GATAD2B: variants seen among roughly 807,000 people sequenced by gnomAD.
GATAD2B encodes the protein GATA zinc finger domain containing 2B, also known as transcriptional repressor p66-beta.
In GATAD2B, 8 loss-of-function variants were observed where a neutral mutation model predicts 64.3. The observed-to-expected ratio is 0.12, with a 90% CI of 0.07 to 0.22. GATAD2B has a LOEUF of 0.22. Ranked by LOEUF, GATAD2B falls within the 10% of genes least tolerant of loss-of-function variation. GATAD2B has a pLI of 1.00. For missense variants in GATAD2B, 453 were observed against 752.0 expected (o/e 0.60, Z 4.65); for synonymous variants, 281 against 271.3 (o/e 1.04, Z -0.35).
chr1:153,862,104 A>T (rs998815880), intron 1 of GATAD2B, among the ~76,000 whole-genome samples: 6 of 146,796 alleles, frequency 4.1e-5, no homozygotes, highest in African/African-American at 1.0e-4. Flanking sequence ...AACGTATTTT[A>T]CATACATTAT....
chr1:153,810,168 G>A lies in GATAD2B; in HGVS notation c.*9C>T. 6.2e-7 allele frequency: 1 copy of A among 1,606,868 alleles called. No individual in the cohort carries two copies. Among genetic ancestry groups the A allele is most frequent in the Admixed American group, 1.7e-5 (1 of 58,540 alleles). On this transcript the variant is annotated 3_prime_UTR_variant, in exon 11 of 11. Coordinates refer to ENST00000368655, the MANE Select transcript of GATAD2B (RefSeq NM_020699.4). ...ATTCAAGGATGGGGCAGTACAAGTG[G>A]AACAGGCGTTATTTCTGTCCACTGA... is the stretch of plus-strand genomic sequence containing the variant.
intron 1 of GATAD2B, among the ~76,000 whole-genome samples, chr1:153,831,285 T>G (rs1011698619): frequency 8.6e-5 from 13 of 151,964 alleles, no homozygotes; most frequent in Non-Finnish European, 1.9e-4. Flanking sequence ...AGTTGAACAA[T>G]GAGAACACAT....
intron 7 of GATAD2B, among the ~76,000 whole-genome samples, chr1:153,815,297 A>AC (rs1553187871): frequency 3.4e-5 from 5 of 148,582 alleles, no homozygotes; most frequent in Non-Finnish European, 7.5e-5. Flanking sequence ...AAAAAACAAA[A>AC]AAAAAAAAAA....
chr1:153,883,926 C>A (rs1677083479), intron 1 of GATAD2B, among the ~76,000 whole-genome samples: 2 of 152,248 alleles, frequency 1.3e-5, no homozygotes, highest in South Asian at 4.1e-4. Context: ...TGGGCAGAGA[C>A]CCTACTCTTT....
At chr1:153,818,742 C>G in intron 4 of GATAD2B, 49 bp downstream of exon 4, 1 of 1,584,208 alleles carries the variant, frequency 6.3e-7, no homozygotes, top group South Asian at 1.1e-5. Flanking sequence ...TACTCTCAAA[C>G]CAGTTTTTCT....
rs945862305 is a variant in GATAD2B, at chr1:153,810,326, A to G, written c.1649-16T>C. On this transcript the variant is annotated splice_polypyrimidine_tract_variant and intron_variant, in intron 10 of 10. Transcript: ENST00000368655. ...ATGTTGACACCTGGACCCAGGAGAC[A>G]AAAGTGGAGGGCAGGTATTAAAAGA... 5.6e-6 allele frequency: 9 copies of G among 1,611,016 alleles called. No individual in the cohort carries two copies. Among genetic ancestry groups the G allele is most frequent in the East Asian group, 4.5e-5 (2 of 44,590 alleles).
chr1:153,862,320 ACCAT>A (rs1252498316), intron 1 of GATAD2B, among the ~76,000 whole-genome samples: 1 of 151,588 alleles, frequency 6.6e-6, no homozygotes, highest in Non-Finnish European at 1.5e-5. Context: ...ACGGGGTTTC[ACCAT>A]GTTGGCCAGA....
intron 2 of GATAD2B, among the ~76,000 whole-genome samples, chr1:153,827,025 C>A (rs1002768458): frequency 6.6e-6 from 1 of 150,804 alleles, no homozygotes; most frequent in Admixed American, 6.6e-5. Flanking sequence ...GAGGGAGGAC[C>A]ACTTGAGCTC....
intron 1 of GATAD2B, among the ~76,000 whole-genome samples, chr1:153,840,665 A>G (rs771401286): frequency 6.6e-6 from 1 of 152,208 alleles, no homozygotes; most frequent in East Asian, 1.9e-4. Context: ...AAATACTTTC[A>G]TAAGTTCTAG....
intron 1 of GATAD2B, among the ~76,000 whole-genome samples, chr1:153,903,862 TG>T (rs1553198900): frequency 6.6e-6 from 1 of 152,150 alleles, no homozygotes; most frequent in Non-Finnish European, 1.5e-5. Flanking sequence ...CACGCACATG[TG>T]GTCCCAGCTA....
intron 7 of GATAD2B, among the ~76,000 whole-genome samples, chr1:153,815,896 T>C (rs956577358): frequency 2.0e-5 from 3 of 152,008 alleles, no homozygotes; most frequent in African/African-American, 7.2e-5. Flanking sequence ...CTACTAAAAA[T>C]ACAAAAATTA....
chr1:153,847,174 C>T (rs1675715629), intron 1 of GATAD2B, among the ~76,000 whole-genome samples: 1 of 152,072 alleles, frequency 6.6e-6, no homozygotes, highest in Non-Finnish European at 1.5e-5. Context: ...GCCATGTTGG[C>T]CAGGCTGGTC....
chr1:153,895,333 C>CA (rs771122915), intron 1 of GATAD2B, among the ~76,000 whole-genome samples: 4,003 of 116,776 alleles, frequency 0.034, 198 homozygotes, highest in African/African-American at 0.11. Context: ...GACTCCATCT[C>CA]AAAAAAAAAA....
chr1:153,848,492 A>C (rs914661997), intron 1 of GATAD2B, among the ~76,000 whole-genome samples: 3 of 152,090 alleles, frequency 2.0e-5, no homozygotes, highest in African/African-American at 4.8e-5. Flanking sequence ...CTTTATTCTT[A>C]GTCTTCACTA....
intron 1 of GATAD2B, among the ~76,000 whole-genome samples, chr1:153,857,714 A>C (rs1219494630): frequency 6.6e-6 from 1 of 152,138 alleles, no homozygotes; most frequent in Non-Finnish European, 1.5e-5. Flanking sequence ...TGAAATCATC[A>C]TCCATTCTTA....
intron 1 of GATAD2B, among the ~76,000 whole-genome samples, chr1:153,875,615 A>C (rs1251142862): frequency 6.6e-6 from 1 of 150,828 alleles, no homozygotes; most frequent in African/African-American, 2.4e-5. Flanking sequence ...TACCAAAACA[A>C]GCAGCAGCTA....
rs1316362238 is a variant in GATAD2B at position 153,828,453 on chromosome 1, CAT to C, written c.-1-107_-1-106del. The C allele has an allele frequency of 1.5e-5, 9 of 607,460 alleles. No individual in the cohort carries two copies. The East Asian group carries it at 1.7e-4, about 11-fold the overall frequency. 37.6% of individuals were successfully genotyped at this position (607,460 alleles called of 1,614,324 possible). ...TATTAACAAGAATCTCTCTCTCACA[CAT>C]ACACACACACACACACACACACACA... is the stretch of plus-strand genomic sequence containing the variant. On this transcript the variant is annotated intron_variant, in intron 1 of 10. Transcript: ENST00000368655.
intron 1 of GATAD2B, among the ~76,000 whole-genome samples, chr1:153,831,800 G>T (rs529557877): frequency 1.1e-4 from 17 of 152,160 alleles, no homozygotes; most frequent in Non-Finnish European, 1.8e-4. Context: ...GACATACCAT[G>T]GTAAGTTGGG....
chr1:153,825,351 T>C (rs1674835702), intron 2 of GATAD2B, among the ~76,000 whole-genome samples: 1 of 152,162 alleles, frequency 6.6e-6, no homozygotes, highest in African/African-American at 2.4e-5. Context: ...AACTTACAAG[T>C]ATTTTTCTCC....
Sources: allele counts gnomAD v4.1 joint callset (sites outside exome capture counted in the v4.1 genomes callset), GRCh38; gene constraint gnomAD v4.1.1; transcripts MANE v1.5; gene names NCBI Gene and HGNC (gene_info 2026-07-23, HGNC 2026-07-21).